Variants in INF2 observed in about 807,000 individuals in gnomAD.
The protein encoded by INF2 is inverted formin-2.
INF2 carries 43 observed loss-of-function variants against 123.5 expected under a neutral mutation model. The ratio of observed to expected loss-of-function variants is 0.35; its 90% CI spans 0.27 to 0.45. The LOEUF is 0.45. Among genes scored for constraint, INF2 ranks in the 20% least tolerant of loss-of-function variants. The pLI is 1.00. For missense variants in INF2, 1,453 were observed against 1,682.7 expected, an observed-to-expected ratio of 0.86 and a Z score of 2.39; for synonymous variants, 851 against 745.0, an observed-to-expected ratio of 1.14 and a Z score of -2.32.
In INF2 at chr14:104,713,546, G is replaced by A. The variant is rs1890153846; in HGVS notation, c.2980G>A (p.Gly994Arg). ...GCTGCGGAAGACAGCCCGGGGCCGCGGGGACACCGACGGGGGCAGCAAGGC... is the reference window on the plus strand; with the variant it reads ...GCTGCGGAAGACAGCCCGGGGCCGCAGGGACACCGACGGGGGCAGCAAGGC... ...FQLRKTARGR[G>R]DTDGGSKAAS... The change falls in exon 20 of 23, where the codon GGG becomes AGG. Residue 994 changes from glycine to arginine, a missense_variant. Around this residue, in one of 8 missense-constraint regions of INF2, gnomAD observed 212 missense variants for 266.2 expected, o/e 0.80. Transcript: ENST00000392634. 5.6e-6 allele frequency: 9 copies of A among 1,611,608 alleles called. No individual in the cohort carries two copies. Among genetic ancestry groups the A allele is most frequent in the African/African-American group, 1.3e-5 (1 of 74,906 alleles).
rs377398103 is a variant in INF2, at chr14:104,712,842, C to T, written c.2625C>T (p.Ala875=). ...YTERLQASIS[A]FRALDELFEA... is the part of the protein sequence containing the mutation. ...CTTGCCCCCAGGCCAGCATCTCGGC[C>T]TTCCGGGCACTGGATGAGCTGTTTG... The change falls in exon 18 of 23, where the codon GCC becomes GCT. Residue 875 remains alanine (A), a synonymous_variant. Transcript: ENST00000392634. 17 of 1,610,850 alleles carry T rather than the reference C, an allele frequency of 1.1e-5. No individual in the cohort carries two copies. Among genetic ancestry groups the T allele is most frequent in the Non-Finnish European group, 9.3e-6 (11 of 1,178,582 alleles).
At position 104,684,509 on chromosome 14, in the gene INF2, A is replaced by C. The variant is rs1888612298; in HGVS notation, c.-104+2927A>C. On this transcript the variant is annotated intron_variant, in intron 1 of 2. Transcript: ENST00000674723. This position sits in a 1 kb window ranked among gnomAD's most constrained non-coding sequence, Gnocchi z 5.0. Reference sequence around the variant, plus strand: ...GCCAGACACAAAGGTTGACATTTACACGCAATCCTAGAATGACGGCTCTAT... The same window carrying C: ...GCCAGACACAAAGGTTGACATTTACCCGCAATCCTAGAATGACGGCTCTAT... 5.5e-6 allele frequency: 1 copy of C among 180,662 alleles called. No individual in the cohort carries two copies. Among genetic ancestry groups the C allele is most frequent in the African/African-American group, 2.4e-5 (1 of 42,102 alleles). 11.2% of individuals were successfully genotyped at this position (180,662 alleles called of 1,614,324 possible).
In INF2 at chr14:104,701,731, G is replaced by A. The variant is rs770186824; in HGVS notation, c.366G>A (p.Gln122=). ...RQGIEYILSN[Q]GYVRQLSQAL... ...GCATCGAGTACATCCTCAGCAACCA[G>A]GGCTACGTGCGCCAGCTCTCCCAGG... The change falls in exon 2 of 23, where the codon CAG becomes CAA. Residue 122 remains glutamine (Q), a synonymous_variant. Transcript: ENST00000392634. The A allele has an allele frequency of 1.8e-5, 28 of 1,527,378 alleles. No individual in the cohort carries two copies. The Admixed American group carries it at 3.2e-4, about 17-fold the overall frequency. The allele number at this position is 1,527,378 out of a possible 1,614,324, so 94.6% of individuals were successfully genotyped here.
At position 104,718,775 on chromosome 14, in the gene INF2, A is replaced by AT. The variant is rs779600191; in HGVS notation, c.*2-14dup. On this transcript the variant is annotated intron_variant, in intron 22 of 22. Transcript: ENST00000392634. The stretch of plus-strand genomic sequence containing the variant: ...CAGCAAAACTGCTCCTAATAATGTC[A>AT]TTTTTTCTCTCTCTTACAGGCCTCA... 17 of 1,612,638 alleles carry AT rather than the reference A, an allele frequency of 1.1e-5. No homozygotes were observed. Among genetic ancestry groups the AT allele is most frequent in the Non-Finnish European group, 1.3e-5 (15 of 1,179,548 alleles).
chr14:104,699,692 C>T lies in INF2; in HGVS notation c.-9-1665C>T. 2 of 669,502 alleles carry T rather than the reference C, an allele frequency of 3.0e-6. No individual in the cohort carries two copies. Among genetic ancestry groups the T allele is most frequent in the African/African-American group, 2.0e-5 (1 of 50,968 alleles). 41.5% of individuals were successfully genotyped at this position (669,502 alleles called of 1,614,324 possible). A position where few individuals can be genotyped will look rare whatever the true frequency, so the allele number is the denominator to read the frequency against. On this transcript the variant is annotated intron_variant, in intron 1 of 22. Coordinates refer to ENST00000392634, the MANE Select transcript of INF2 (RefSeq NM_022489.4). This position sits in a 1 kb window ranked among gnomAD's most constrained non-coding sequence, Gnocchi z 4.7. ...CGGGGGCTCCGGGCTCTCCGTTCTACAGTGCCCAGACCAGGACCCCCTGCA... is the reference window on the plus strand; with the variant it reads ...CGGGGGCTCCGGGCTCTCCGTTCTATAGTGCCCAGACCAGGACCCCCTGCA...
intron 22 of INF2, among the ~76,000 whole-genome samples, chr14:104,717,119 GC>G (rs1479550775): frequency 6.6e-6 from 1 of 152,136 alleles, no homozygotes; most frequent in East Asian, 1.9e-4. Flanking sequence ...TTGCTACATT[GC>G]CCCCCTCCAA....
rs1890213511 is a variant in INF2, at chr14:104,714,770, G to A, written c.3608G>A (p.Gly1203Glu). 6.3e-7 allele frequency: 1 copy of A among 1,599,674 alleles called. No homozygotes were observed. The highest frequency in any genetic ancestry group is 1.3e-5 in the African/African-American group (1 of 74,408). ...FSEDAVTDSS[G>E]SGTLPRARGR... is the part of the protein sequence containing the mutation. ...GAGGATGCGGTGACCGACTCCTCGGGGTCGGGCACACTCCCCAGGGCCCGG... is the reference window on the plus strand; with the variant it reads ...GAGGATGCGGTGACCGACTCCTCGGAGTCGGGCACACTCCCCAGGGCCCGG... The change falls in exon 21 of 23, where the codon GGG becomes GAG. Residue 1203 changes from glycine to glutamate, a missense_variant. Gly to Glu is a moderately conservative substitution (Grantham distance 98). Transcript: ENST00000392634.
At chr14:104,698,307 C>G (rs1332232058) in intron 1 of INF2, among the ~76,000 whole-genome samples, 1 of 152,234 alleles carries the variant, frequency 6.6e-6, no homozygotes, top group East Asian at 1.9e-4. Flanking sequence ...TGGATTCCTT[C>G]TGGAATCCTT....
rs1040962659 is a variant in INF2, at chr14:104,703,093, C to G, written c.392-12C>G. 1 of 1,606,828 alleles carries G rather than the reference C, an allele frequency of 6.2e-7. No homozygotes were observed. The highest frequency in any genetic ancestry group is 8.5e-7 in the Non-Finnish European group (1 of 1,174,166). On this transcript the variant is annotated splice_polypyrimidine_tract_variant and intron_variant, in intron 2 of 22. Transcript: ENST00000392634. Reference sequence around the variant, plus strand: ...ATTGGCCCTGCTGAGCCTGCCCACTCCACCCTGGCAGCCCTGGACACATCC... The same window carrying G: ...ATTGGCCCTGCTGAGCCTGCCCACTGCACCCTGGCAGCCCTGGACACATCC...
chr14:104,707,285 C>T lies in INF2; in HGVS notation c.1018C>T (p.Arg340Trp), dbSNP rs753651657. The T allele has an allele frequency of 4.4e-6, 7 of 1,608,904 alleles. No homozygotes were observed. Among genetic ancestry groups the T allele is most frequent in the Admixed American group, 1.7e-5 (1 of 59,524 alleles). ...QECTLEEVVE[R>W]LLSVKGRPRP... ...ATGCACCCTGGAGGAAGTGGTTGAG[C>T]GGCTCCTGTCTGTCAAGGGGCGACC... The change falls in exon 8 of 23, where the codon CGG (arginine) becomes TGG (tryptophan). Residue 340 changes from arginine (R) to tryptophan (W), a missense_variant. This residue lies in a region of INF2 where 374 missense variants were observed against 303.7 expected (regional missense o/e 1.23). Coordinates refer to ENST00000392634, the MANE Select transcript of INF2 (RefSeq NM_022489.4).
At position 104,718,982 on chromosome 14, in the gene INF2, C is replaced by T. The variant is rs1890447569; in HGVS notation, c.*189C>T. ...GTTGTGGCTGGGAACCCGACAGGCA[C>T]CAGTGCCCTGCCAGGCCTGGTGCCC... On this transcript the variant is annotated 3_prime_UTR_variant, in exon 23 of 23. Transcript: ENST00000392634. The T allele has an allele frequency of 5.9e-6, 8 of 1,364,104 alleles. No homozygotes were observed. The African/African-American group carries it at 5.9e-5, about 10-fold the overall frequency. 84.5% of individuals were successfully genotyped at this position (1,364,104 alleles called of 1,614,324 possible).
chr14:104,707,212 C>T (rs372311362), intron 7 of INF2, 41 bp from the exon 8 acceptor site: 43 of 1,573,872 alleles, frequency 2.7e-5, no homozygotes, highest in African/African-American at 8.1e-5. Context: ...CCTCCCTCTC[C>T]GGCTCCCTTC....
At chr14:104,718,337 G>A (rs935721439) in intron 22 of INF2, among the ~76,000 whole-genome samples, 2 of 152,234 alleles carry the variant, frequency 1.3e-5, no homozygotes, top group Non-Finnish European at 2.9e-5. Context: ...TCTGGGTGGC[G>A]GGAGCTGTTG....
rs1035706026 is a variant in INF2 at position 104,709,392 on chromosome 14, A to G, written c.2052+9A>G. 6.3e-7 allele frequency: 1 copy of G among 1,599,184 alleles called. No homozygotes were observed. Among genetic ancestry groups the G allele is most frequent in the Middle Eastern group, 1.7e-4 (1 of 6,038 alleles). On this transcript the variant is annotated intron_variant, in intron 11 of 22. Coordinates refer to ENST00000392634, the MANE Select transcript of INF2 (RefSeq NM_022489.4). The stretch of plus-strand genomic sequence containing the variant: ...TTCCCGAGAAGCACGAGGTAAGAGG[A>G]CCACCCCCACACCCCACCCCCAGTT...
intron 18 of INF2, 49 bp downstream of exon 18, chr14:104,713,041 G>T: frequency 6.2e-7 from 1 of 1,610,018 alleles, no homozygotes; most frequent in Admixed American, 1.7e-5. Context: ...GTGGGGTCCC[G>T]AGGCCCCTGG....
At position 104,709,703 on chromosome 14, in the gene INF2, C is replaced by T; in HGVS notation, c.2136C>T (p.Pro712=). 1 of 1,612,392 alleles carries T rather than the reference C, an allele frequency of 6.2e-7. No homozygotes were observed. Among genetic ancestry groups the T allele is most frequent in the African/African-American group, 1.3e-5 (1 of 75,062 alleles). ...DHFYLLLLAI[P]CYQLRIECML... Reference sequence around the variant, plus strand: ...TCTACCTCCTCCTGCTGGCCATTCCCTGGTGAGCATGGCCGCCCTCAGACC... The same window carrying T: ...TCTACCTCCTCCTGCTGGCCATTCCTTGGTGAGCATGGCCGCCCTCAGACC... The change falls in exon 12 of 23, where the codon CCC becomes CCT. Residue 712 remains proline, a splice_region_variant and synonymous_variant. Transcript: ENST00000392634.
intron 2 of INF2, among the ~76,000 whole-genome samples, chr14:104,702,720 G>A (rs1266368833): frequency 2.6e-5 from 4 of 152,264 alleles, no homozygotes; most frequent in African/African-American, 4.8e-5. Context: ...GTTCTCAGCA[G>A]GGTCAGATGA....
chr14:104,694,469 G>A (rs988421967), intron 1 of INF2, among the ~76,000 whole-genome samples: 3 of 152,216 alleles, frequency 2.0e-5, no homozygotes, highest in Admixed American at 6.5e-5. Context: ...CGTCCCAGCC[G>A]CCAAACAGGA....
rs1888607257 is a variant in INF2, at chr14:104,684,268, G to A, written c.-104+2686G>A. 3 of 401,264 alleles carry A rather than the reference G, an allele frequency of 7.5e-6. No homozygotes were observed. The highest frequency in any genetic ancestry group is 1.5e-5 in the Non-Finnish European group (3 of 198,808). The allele number at this position is 401,264 out of a possible 1,614,324, so 24.9% of individuals were successfully genotyped here. A position where few individuals can be genotyped will look rare whatever the true frequency, so the allele number is the denominator to read the frequency against. The stretch of plus-strand genomic sequence containing the variant: ...CTCGAGGGCTCACTGGAGGTCAGCA[G>A]GGAGGTGGACTGCGTCTCCCGAGGG... On this transcript the variant is annotated intron_variant, in intron 1 of 2. Coordinates refer to the INF2 transcript ENST00000674723. The surrounding 1 kb of genome is among the most constrained non-coding windows in gnomAD (Gnocchi z 5.0).
Sources: allele counts gnomAD v4.1 joint callset (sites outside exome capture counted in the v4.1 genomes callset), GRCh38; gene constraint gnomAD v4.1.1; regional missense constraint gnomAD v4.1.1; non-coding constraint Gnocchi (gnomAD v3.1); transcripts MANE v1.5; gene names NCBI Gene and HGNC (gene_info 2026-07-23, HGNC 2026-07-21).